ARHGAP20: variants seen among roughly 807,000 people sequenced by gnomAD.
ARHGAP20 encodes the protein Rho GTPase activating protein 20.
A neutral mutation model predicts 73.7 loss-of-function variants in ARHGAP20; 34 were observed. The ratio of observed to expected loss-of-function variants is 0.46; its 90% CI spans 0.35 to 0.61. The LOEUF is 0.61. ARHGAP20 is among the 20% of genes least tolerant of loss of function. The pLI is 0.00. For synonymous variants in ARHGAP20, 523 were observed against 518.2 expected, an observed-to-expected ratio of 1.01 and a Z score of -0.13; for missense variants, 1,314 against 1,420.9, an observed-to-expected ratio of 0.92 and a Z score of 1.21.
chr11:110,674,141 G>A (rs1417046567), intron 2 of ARHGAP20, among the ~76,000 whole-genome samples: 1 of 151,958 alleles, frequency 6.6e-6, no homozygotes, highest in Non-Finnish European at 1.5e-5. Flanking sequence ...TCACCATGTT[G>A]GCCAGGATGT....
intron 9 of ARHGAP20, among the ~76,000 whole-genome samples, chr11:110,604,348 A>C (rs1157249346): frequency 2.6e-5 from 4 of 152,178 alleles, no homozygotes; most frequent in African/African-American, 9.6e-5. Flanking sequence ...ACTTACCATG[A>C]ATCATTTACA....
chr11:110,578,651 A>G lies in ARHGAP20; in HGVS notation c.*719T>C, dbSNP rs1334831080. The G allele has an allele frequency of 9.1e-6, 9 of 985,124 alleles. No individual in the cohort carries two copies. The highest frequency in any genetic ancestry group is 1.1e-5 in the Non-Finnish European group (9 of 829,908). 61.0% of individuals were successfully genotyped at this position (985,124 alleles called of 1,614,324 possible). A position where few individuals can be genotyped will look rare whatever the true frequency, so the allele number is the denominator to read the frequency against. ...AGCCATTTTCTTCTTTCTCCTCACA[A>G]CTCTGTTTCCTGAAGCCTTGCAAAG... On this transcript the variant is annotated 3_prime_UTR_variant, in exon 15 of 15. Transcript: ENST00000683387.
At chr11:110,691,177 T>C in intron 1 of ARHGAP20, 1 of 478,048 alleles carries the variant, frequency 2.1e-6, no homozygotes, top group South Asian at 5.1e-5. Flanking sequence ...CTTCAAACAA[T>C]AAAAAAATCT....
At chr11:110,704,693 C>T (rs1008498472) in intron 1 of ARHGAP20, among the ~76,000 whole-genome samples, 1 of 152,050 alleles carries the variant, frequency 6.6e-6, no homozygotes, top group Non-Finnish European at 1.5e-5. Flanking sequence ...TAAAGATCAA[C>T]TCTATCCGAG....
chr11:110,590,510 C>CT (rs1947798822), intron 11 of ARHGAP20, 138 bp downstream of exon 11: 1 of 917,432 alleles, frequency 1.1e-6, no homozygotes, highest in East Asian at 3.0e-5. Flanking sequence ...TTTTATAACA[C>CT]TTTTTAGTGT....
intron 2 of ARHGAP20, among the ~76,000 whole-genome samples, chr11:110,633,765 T>C (rs1948906901): frequency 6.6e-6 from 1 of 152,184 alleles, no homozygotes; most frequent in African/African-American, 2.4e-5. Context: ...GGAAAGCCTA[T>C]TGTGGCTGGG....
In ARHGAP20 at chr11:110,590,696, T is replaced by G; in HGVS notation, c.1257A>C (p.Glu419Asp). ...ELKEKLNSGV[E>D]VHLDCESIFV... ...AAATAGATTCACAGTCTAGGTGTAC[T>G]TCGACTCCAGAATTCAATTTCTCTT... The change falls in exon 11 of 15, where the codon GAA becomes GAC. Residue 419 changes from glutamate (E) to aspartate (D), a missense_variant. By Grantham distance (45) the Glu-to-Asp change is conservative (BLOSUM62 2). This residue lies in a region of ARHGAP20 where 230 missense variants were observed against 317.6 expected (regional missense o/e 0.72). Transcript: ENST00000683387. The G allele has an allele frequency of 6.2e-7, 1 of 1,614,112 alleles. No individual in the cohort carries two copies. Among genetic ancestry groups the G allele is most frequent in the South Asian group, 1.1e-5 (1 of 91,080 alleles).
intron 9 of ARHGAP20, among the ~76,000 whole-genome samples, chr11:110,594,368 T>G (rs1317921220): frequency 3.3e-5 from 5 of 152,114 alleles, no homozygotes; most frequent in African/African-American, 9.7e-5. Flanking sequence ...CCTTAAAATG[T>G]AAAGGATATG....
intron 9 of ARHGAP20, among the ~76,000 whole-genome samples, chr11:110,599,716 C>G (rs1757595551): frequency 6.6e-6 from 1 of 152,306 alleles, no homozygotes; most frequent in Non-Finnish European, 1.5e-5. Context: ...CATAAAACCC[C>G]TAGGCTCAGC....
chr11:110,624,745 G>A (rs1948700922), intron 3 of ARHGAP20, among the ~76,000 whole-genome samples: 1 of 152,010 alleles, frequency 6.6e-6, no homozygotes, highest in South Asian at 2.1e-4. Context: ...GTGCCTAGAA[G>A]AGTAAACTAA....
At chr11:110,712,533 C>T (rs553011363), upstream of ARHGAP20, 48 of 153,436 alleles carry the variant, frequency 3.1e-4, no homozygotes, top group East Asian at 8.5e-3. Context: ...CCGCAGCCCT[C>T]CTCAGCCCTC....
At chr11:110,681,557 C>T (rs1950036909) in intron 2 of ARHGAP20, among the ~76,000 whole-genome samples, 1 of 152,132 alleles carries the variant, frequency 6.6e-6, no homozygotes, top group Non-Finnish European at 1.5e-5. Flanking sequence ...CCTCAGTAAA[C>T]CACTGCAGAG....
Position 110,707,705 on chromosome 11 carries a change from C to T in ARHGAP20, c.105+4422G>A, listed in dbSNP as rs146017329. 7.5e-4 allele frequency among the ~76,000 whole-genome samples: 114 copies of T among 152,208 alleles called. No individual in the cohort carries two copies. In the South Asian group the frequency reaches 9.7e-3, roughly 13 times the overall value. On this transcript the variant is annotated intron_variant, in intron 1 of 14. Transcript: ENST00000683387. Reference sequence around the variant, plus strand: ...TTAATGCTCCCACTTCTTTTTATAGCATGGTCTTTTTAAGCCATAAGAGAG... The same window carrying T: ...TTAATGCTCCCACTTCTTTTTATAGTATGGTCTTTTTAAGCCATAAGAGAG...
chr11:110,620,217 G>T (rs1948599343), intron 4 of ARHGAP20, among the ~76,000 whole-genome samples: 1 of 151,838 alleles, frequency 6.6e-6, no homozygotes, highest in African/African-American at 2.4e-5. Context: ...TTTTTTTAGA[G>T]ATGGGGTCTA....
intron 1 of ARHGAP20, among the ~76,000 whole-genome samples, chr11:110,701,680 T>C (rs950841521): frequency 6.4e-4 from 97 of 152,330 alleles, no homozygotes; most frequent in Non-Finnish European, 1.2e-3. Flanking sequence ...TGAATGGTAA[T>C]GCCCAGGTTT....
chr11:110,680,981 C>T (rs1565474553), intron 2 of ARHGAP20, among the ~76,000 whole-genome samples: 1 of 152,062 alleles, frequency 6.6e-6, no homozygotes, highest in African/African-American at 2.4e-5. Flanking sequence ...GAAAAATGTT[C>T]CTTGCAAGGA....
chr11:110,590,114 C>T (rs905846775), intron 11 of ARHGAP20, among the ~76,000 whole-genome samples: 7 of 147,626 alleles, frequency 4.7e-5, no homozygotes, highest in African/African-American at 1.8e-4. Context: ...GAGTGAGACC[C>T]CGCCTCAAAA....
intron 2 of ARHGAP20, among the ~76,000 whole-genome samples, chr11:110,640,936 G>A (rs1399705012): frequency 6.6e-6 from 1 of 152,056 alleles, no homozygotes; most frequent in African/African-American, 2.4e-5. Flanking sequence ...GTAGCTCATA[G>A]TCTGAATTAT....
intron 6 of ARHGAP20, among the ~76,000 whole-genome samples, chr11:110,612,089 C>G (rs1388805432): frequency 1.3e-5 from 2 of 152,052 alleles, no homozygotes; most frequent in African/African-American, 4.8e-5. Context: ...CTGTGCTAAA[C>G]TATATTGAAT....
Sources: gnomAD v4.1 joint callset for allele counts (sites outside exome capture counted in the v4.1 genomes callset) on GRCh38, gnomAD v4.1.1 for gene constraint, gnomAD v4.1.1 regional missense constraint, MANE v1.5 for transcripts, NCBI Gene and HGNC (gene_info 2026-07-23, HGNC 2026-07-21) for gene names.